The following RXRA variants were observed in gnomAD, a reference collection of about 807,000 sequenced individuals.
The protein encoded by RXRA is retinoid X receptor alpha.
In RXRA, 5 loss-of-function variants were observed where a neutral mutation model predicts 44.5. That is an observed-to-expected ratio of 0.11 (90% CI 0.06 to 0.24). RXRA has a LOEUF of 0.24. Among genes scored for constraint, RXRA ranks in the 10% least tolerant of loss-of-function variants. The probability of loss-of-function intolerance (pLI) is 1.00; values close to 1 mark genes in which losing one functional copy is unlikely to be tolerated. For synonymous variants in RXRA, 291 were observed against 271.4 expected (o/e 1.07, Z -0.71); for missense variants, 412 against 646.5 (o/e 0.64, Z 3.93).
chr9:134,399,982 G>A (rs1830934306), intron 1 of RXRA, among the ~76,000 whole-genome samples: 1 of 152,270 alleles, frequency 6.6e-6, no homozygotes, highest in South Asian at 2.1e-4. Flanking sequence ...CTGAGCAGAG[G>A]TGGGCACAGG....
intron 8 of RXRA, among the ~76,000 whole-genome samples, chr9:134,432,338 C>T (rs1055213824): frequency 3.3e-5 from 5 of 152,224 alleles, no homozygotes; most frequent in African/African-American, 7.2e-5. Context: ...TGTGAACTTC[C>T]GGTGCTGAAG....
At chr9:134,340,115 G>A (rs12348002) in intron 1 of RXRA, among the ~76,000 whole-genome samples, 9,182 of 151,496 alleles carry the variant, frequency 0.061, 696 homozygotes, top group African/African-American at 0.18. Flanking sequence ...CCCTGTGCCC[G>A]TGCTGTGTCG....
intron 1 of RXRA, among the ~76,000 whole-genome samples, chr9:134,376,398 A>C (rs1471748622): frequency 1.3e-5 from 2 of 152,106 alleles, no homozygotes; most frequent in Non-Finnish European, 2.9e-5. Context: ...TGCTGTCTCC[A>C]TTCCTTCGCG....
chr9:134,425,733 A>G, intron 6 of RXRA: 1 of 985,320 alleles, frequency 1.0e-6, no homozygotes, highest in Non-Finnish European at 1.2e-6. Flanking sequence ...AACACAGGGT[A>G]AGCCAGGCTG....
intron 1 of RXRA, among the ~76,000 whole-genome samples, chr9:134,358,897 CAG>C (rs1481669805): frequency 7.9e-5 from 12 of 152,168 alleles, no homozygotes; most frequent in African/African-American, 2.9e-4. Flanking sequence ...CTGCTGGGCT[CAG>C]GGGAAGGGCA....
intron 1 of RXRA, among the ~76,000 whole-genome samples, chr9:134,385,627 G>A (rs1162845930): frequency 6.6e-6 from 1 of 152,216 alleles, no homozygotes; most frequent in Non-Finnish European, 1.5e-5. Context: ...GTGGGGATGT[G>A]AGGGCCTGCG....
intron 1 of RXRA, among the ~76,000 whole-genome samples, chr9:134,350,312 G>T (rs1049639924): frequency 1.3e-5 from 2 of 152,118 alleles, no homozygotes; most frequent in African/African-American, 4.8e-5. Flanking sequence ...TCTGGCCCCC[G>T]CCTCGCCAGC....
intron 1 of RXRA, chr9:134,379,843 G>A: frequency 1.0e-6 from 1 of 985,264 alleles, no homozygotes; most frequent in Non-Finnish European, 1.2e-6. Context: ...GTGTGGGAGG[G>A]GCAGTGGCCC....
intron 1 of RXRA, among the ~76,000 whole-genome samples, chr9:134,344,732 C>T (rs992235354): frequency 6.6e-6 from 1 of 152,178 alleles, no homozygotes; most frequent in African/African-American, 2.4e-5. Context: ...CCAGGCAGGC[C>T]CCACCACCAT....
chr9:134,396,289 C>T (rs1237388260), intron 1 of RXRA, among the ~76,000 whole-genome samples: 1 of 152,154 alleles, frequency 6.6e-6, no homozygotes, highest in Non-Finnish European at 1.5e-5. Context: ...GGCTTGTGGC[C>T]ACTTCCTTCC....
At chr9:134,328,677 A>G (rs1834953453) in intron 1 of RXRA, among the ~76,000 whole-genome samples, 1 of 152,148 alleles carries the variant, frequency 6.6e-6, no homozygotes, top group Non-Finnish European at 1.5e-5. Context: ...CCTTTTGTCA[A>G]CACAGCCTAA....
chr9:134,401,836 C>CCCCATG lies in RXRA; in HGVS notation c.233_234insCCCATG (p.Ser78_Val79insProTrp). 6.2e-7 allele frequency: 1 copy of CCCCATG among 1,612,062 alleles called. No homozygotes were observed. The highest frequency in any genetic ancestry group is 8.5e-7 in the Non-Finnish European group (1 of 1,179,330). ...TCCCCCATGGGCCCCCACTCCATGT[C>CCCCATG]GGTGCCCACCACACCCACCCTGGGC... On this transcript the variant is annotated inframe_insertion, in exon 2 of 10. Transcript: ENST00000481739.
rs190099501 is a variant in RXRA, at chr9:134,338,151, G to A, written c.28+11492G>A. ...ACCACAGGGAGGGACAGAGGTGTCA[G>A]GAGCCCTGACAGAAGACAAGCATGT... On this transcript the variant is annotated intron_variant, in intron 1 of 9. Coordinates refer to ENST00000481739, the MANE Select transcript of RXRA (RefSeq NM_002957.6). Among the ~76,000 whole-genome samples the A allele has an allele frequency of 1.0e-3, 153 of 152,322 alleles. 2 individuals carry two copies. The highest frequency in any genetic ancestry group is 1.6e-3 in the Non-Finnish European group (111 of 68,014).
chr9:134,410,045 C>T (rs957314814), intron 4 of RXRA, among the ~76,000 whole-genome samples: 1 of 152,236 alleles, frequency 6.6e-6, no homozygotes, highest in African/African-American at 2.4e-5. Flanking sequence ...TCAGGGATGT[C>T]CTGAGTGGCC....
At chr9:134,421,180 G>A (rs764197366) in intron 5 of RXRA, among the ~76,000 whole-genome samples, 6 of 152,238 alleles carry the variant, frequency 3.9e-5, no homozygotes, top group Non-Finnish European at 8.8e-5. Flanking sequence ...TTTATTATAT[G>A]ACTGTTCTGT....
intron 1 of RXRA, among the ~76,000 whole-genome samples, chr9:134,339,462 T>A (rs2119023749): frequency 6.6e-6 from 1 of 151,810 alleles, no homozygotes; most frequent in Non-Finnish European, 1.5e-5. Context: ...TGCCTGTGTG[T>A]GAGCCTGTGT....
In RXRA at chr9:134,427,190, T is replaced by C. The variant is rs1231147110; in HGVS notation, c.911-1918T>C. The stretch of plus-strand genomic sequence containing the variant: ...AAAAACAAAAAAAAAAAAAAGAGGG[T>C]TCTGTGGTCAAAGAAAATCTGGCTG... On this transcript the variant is annotated intron_variant, in intron 6 of 9. Transcript: ENST00000481739. The C allele has an allele frequency of 7.2e-6, 7 of 969,384 alleles. No homozygotes were observed. In the East Asian group the frequency reaches 3.5e-4, roughly 48 times the overall value. 60.0% of individuals were successfully genotyped at this position (969,384 alleles called of 1,614,324 possible).
At chr9:134,432,823 G>T (rs1051165997) in intron 8 of RXRA, among the ~76,000 whole-genome samples, 11 of 152,216 alleles carry the variant, frequency 7.2e-5, no homozygotes, top group Non-Finnish European at 1.6e-4. Flanking sequence ...CGGAGGTGGG[G>T]TGGGCTGGTG....
chr9:134,375,969 C>T (rs1564275658), intron 1 of RXRA, among the ~76,000 whole-genome samples: 2 of 134,512 alleles, frequency 1.5e-5, no homozygotes. Context: ...TCTCTGCTTC[C>T]CCCCCACCCC....
Sources: allele counts gnomAD v4.1 joint callset (sites outside exome capture counted in the v4.1 genomes callset), GRCh38; gene constraint gnomAD v4.1.1; transcripts MANE v1.5; gene names NCBI Gene and HGNC (gene_info 2026-07-23, HGNC 2026-07-21).